Variants in RGS7 observed in about 807,000 individuals in gnomAD.
RGS7 encodes the protein regulator of G protein signaling 7, also known as regulator of G-protein signaling 7.
A neutral mutation model predicts 81.1 loss-of-function variants in RGS7; 27 were observed. The ratio of observed to expected loss-of-function variants is 0.33; its 90% CI spans 0.25 to 0.46. The LOEUF (loss-of-function observed/expected upper bound fraction) is 0.46, where lower values mean the gene tolerates loss of function less well. RGS7 is among the 20% of genes least tolerant of loss of function. RGS7 has a pLI of 1.00. For synonymous variants in RGS7, 208 were observed against 207.7 expected (o/e 1.00, Z -0.01); for missense variants, 396 against 607.4 (o/e 0.65, Z 3.66).
At chr1:240,795,171 C>G (rs1686810637) in intron 18 of RGS7, among the ~76,000 whole-genome samples, 1 of 150,960 alleles carries the variant, frequency 6.6e-6, no homozygotes, top group Non-Finnish European at 1.5e-5. Context: ...ACAACAAGAG[C>G]AAAACTCTGT....
At chr1:240,835,029 T>C (rs370722229) in intron 9 of RGS7, among the ~76,000 whole-genome samples, 20 of 152,020 alleles carry the variant, frequency 1.3e-4, no homozygotes, top group Admixed American at 7.2e-4. Context: ...CAGGAGAACA[T>C]CTAGGTGACC....
intron 2 of RGS7, among the ~76,000 whole-genome samples, chr1:241,296,015 T>C (rs748745278): frequency 4.6e-5 from 7 of 152,210 alleles, no homozygotes; most frequent in African/African-American, 1.7e-4. Flanking sequence ...TTCGAACATG[T>C]TGAGCTTAAA....
chr1:240,793,992 T>A (rs941590810), intron 18 of RGS7, among the ~76,000 whole-genome samples: 1 of 152,108 alleles, frequency 6.6e-6, no homozygotes, highest in African/African-American at 2.4e-5. Flanking sequence ...CACTCAACCC[T>A]AAAATAATAT....
At chr1:240,853,278 G>A in intron 9 of RGS7, among the ~76,000 whole-genome samples, 1 of 152,132 alleles carries the variant, frequency 6.6e-6, no homozygotes. Context: ...AACGACTACA[G>A]GGGAATACAG....
At chr1:241,149,417 A>G (rs903433772) in intron 2 of RGS7, among the ~76,000 whole-genome samples, 2 of 152,116 alleles carry the variant, frequency 1.3e-5, no homozygotes, top group Non-Finnish European at 2.9e-5. Flanking sequence ...TTGACCTCCC[A>G]AAGTGCTGGG....
chr1:240,791,636 T>C (rs1275729329), intron 18 of RGS7, among the ~76,000 whole-genome samples: 1 of 152,198 alleles, frequency 6.6e-6, no homozygotes, highest in East Asian at 1.9e-4. Flanking sequence ...TGAAGCTACA[T>C]GTGTCTTTAG....
chr1:240,920,828 G>T (rs1166230916), intron 6 of RGS7, among the ~76,000 whole-genome samples: 8 of 152,024 alleles, frequency 5.3e-5, no homozygotes, highest in African/African-American at 1.7e-4. Flanking sequence ...TTTCTGTTCT[G>T]TGGAAAGTGT....
intron 3 of RGS7, among the ~76,000 whole-genome samples, chr1:241,054,351 T>C (rs78535973): frequency 0.031 from 4,707 of 152,308 alleles, 78 homozygotes; most frequent in Middle Eastern, 0.065. Context: ...AACTCCTGCG[T>C]ACCTCCTTCC....
chr1:241,303,291 C>T (rs1302023405), intron 2 of RGS7, among the ~76,000 whole-genome samples: 3 of 152,092 alleles, frequency 2.0e-5, no homozygotes, highest in Non-Finnish European at 4.4e-5. Flanking sequence ...ATGTGCAGCA[C>T]CTCCCACTGC....
chr1:240,816,215 T>C, intron 11 of RGS7, 102 bp downstream of exon 11: 3 of 792,660 alleles, frequency 3.8e-6, no homozygotes, highest in Middle Eastern at 2.3e-4. Flanking sequence ...CAGTCAGTCA[T>C]ACAAATAACC....
intron 3 of RGS7, among the ~76,000 whole-genome samples, chr1:241,023,672 A>G (rs1400145137): frequency 1.3e-5 from 2 of 152,200 alleles, no homozygotes; most frequent in East Asian, 3.9e-4. Flanking sequence ...AATAGCCTTA[A>G]ATAACATCTT....
At chr1:240,858,449 G>T (rs1371529902) in intron 9 of RGS7, among the ~76,000 whole-genome samples, 1 of 152,096 alleles carries the variant, frequency 6.6e-6, no homozygotes. Context: ...GGTGTGCAGT[G>T]GTATGCAATT....
At chr1:241,168,054 A>G (rs2103241409) in intron 2 of RGS7, among the ~76,000 whole-genome samples, 1 of 152,324 alleles carries the variant, frequency 6.6e-6, no homozygotes, top group South Asian at 2.1e-4. Flanking sequence ...ATCTTAACCA[A>G]TATGGACTCT....
intron 6 of RGS7, among the ~76,000 whole-genome samples, chr1:240,878,104 A>G (rs187296587): frequency 9.6e-4 from 146 of 152,040 alleles, no homozygotes; most frequent in African/African-American, 3.3e-3. Flanking sequence ...GATGTCCCCT[A>G]TGTCTTCTCT....
At chr1:241,150,881 A>G (rs1236754309) in intron 2 of RGS7, among the ~76,000 whole-genome samples, 1 of 151,978 alleles carries the variant, frequency 6.6e-6, no homozygotes, top group Non-Finnish European at 1.5e-5. Flanking sequence ...GCTCTGTCTG[A>G]GGCCAAAGGC....
chr1:241,153,690 G>C (rs1365398593), intron 2 of RGS7, among the ~76,000 whole-genome samples: 1 of 152,206 alleles, frequency 6.6e-6, no homozygotes, highest in South Asian at 2.1e-4. Flanking sequence ...GACTTTTTCA[G>C]TAATAATGGT....
chr1:241,189,121 CAT>C (rs1319872606), intron 2 of RGS7, among the ~76,000 whole-genome samples: 1 of 152,152 alleles, frequency 6.6e-6, no homozygotes. Context: ...ACTCCAGACA[CAT>C]GCCACCACAC....
At chr1:241,352,147 C>T (rs898380010) in intron 2 of RGS7, among the ~76,000 whole-genome samples, 8 of 152,106 alleles carry the variant, frequency 5.3e-5, no homozygotes, top group African/African-American at 1.7e-4. Flanking sequence ...TAAAGCCGAC[C>T]AAAAACGGGG....
At chr1:240,804,595 C>T (rs561075556) in intron 15 of RGS7, among the ~76,000 whole-genome samples, 16 of 151,768 alleles carry the variant, frequency 1.1e-4, no homozygotes, top group Non-Finnish European at 2.2e-4. Context: ...TAAATGACAC[C>T]GATAACTAAA....
Sources: gnomAD v4.1 joint callset for allele counts (sites outside exome capture counted in the v4.1 genomes callset) on GRCh38, gnomAD v4.1.1 for gene constraint, MANE v1.5 for transcripts, NCBI Gene and HGNC (gene_info 2026-07-23, HGNC 2026-07-21) for gene names.